The following NUP98 variants were observed in gnomAD, a reference collection of about 807,000 sequenced individuals.
NUP98 encodes nuclear pore complex protein Nup98-Nup96.
NUP98 carries 26 observed loss-of-function variants against 191.9 expected under a neutral mutation model. The ratio of observed to expected loss-of-function variants is 0.14; its 90% CI spans 0.10 to 0.19. NUP98 has a LOEUF of 0.19. Ranked by LOEUF, NUP98 falls within the 10% of genes least tolerant of loss-of-function variation. The probability of loss-of-function intolerance (pLI) is 1.00; values close to 1 mark genes in which losing one functional copy is unlikely to be tolerated. For missense variants in NUP98, 1,941 were observed against 2,178.8 expected (o/e 0.89, Z 2.17); for synonymous variants, 808 against 778.4 (o/e 1.04, Z -0.63).
chr11:3,703,537 G>A (rs1203014747), intron 22 of NUP98, among the ~76,000 whole-genome samples: 1 of 151,984 alleles, frequency 6.6e-6, no homozygotes, highest in Non-Finnish European at 1.5e-5. Context: ...TAAATGATTA[G>A]CATTATTATC....
At chr11:3,772,891 T>C (rs927496828) in intron 6 of NUP98, among the ~76,000 whole-genome samples, 1 of 151,634 alleles carries the variant, frequency 6.6e-6, no homozygotes. Flanking sequence ...GGCACGAGAA[T>C]TGCTTGAACC....
rs199660845 is a variant in NUP98 at position 3,700,853 on chromosome 11, T to C, written c.3513-14A>G. Reference sequence around the variant, plus strand: ...GACTCAGTTAGGCTACAAGAGCAAATGAGGAATAGAATAGAAAATGAACCT... The same window carrying C: ...GACTCAGTTAGGCTACAAGAGCAAACGAGGAATAGAATAGAAAATGAACCT... On this transcript the variant is annotated splice_polypyrimidine_tract_variant and intron_variant, in intron 23 of 32. Coordinates refer to ENST00000324932, the MANE Select transcript of NUP98 (RefSeq NM_016320.5). The C allele has an allele frequency of 6.4e-7, 1 of 1,573,834 alleles. No homozygotes were observed. Among genetic ancestry groups the C allele is most frequent in the East Asian group, 2.2e-5 (1 of 44,628 alleles).
At chr11:3,719,831 C>G (rs1441553293) in intron 17 of NUP98, among the ~76,000 whole-genome samples, 1 of 146,976 alleles carries the variant, frequency 6.8e-6, no homozygotes, top group South Asian at 2.1e-4. Flanking sequence ...GTGGTCCTGT[C>G]TCACTGCAGC....
At chr11:3,765,651 A>C (rs2081311421) in intron 8 of NUP98, among the ~76,000 whole-genome samples, 1 of 151,998 alleles carries the variant, frequency 6.6e-6, no homozygotes, top group Non-Finnish European at 1.5e-5. Flanking sequence ...ATATAAAAAA[A>C]TTAGCCGGGC....
At chr11:3,766,714 A>T (rs2081352975) in intron 8 of NUP98, among the ~76,000 whole-genome samples, 1 of 149,724 alleles carries the variant, frequency 6.7e-6, no homozygotes, top group African/African-American at 2.5e-5. Context: ...AAAAAAAGAG[A>T]GAAGCCTGAG....
At chr11:3,686,659 T>G (rs772843098) in intron 28 of NUP98, among the ~76,000 whole-genome samples, 1 of 152,162 alleles carries the variant, frequency 6.6e-6, no homozygotes, top group Non-Finnish European at 1.5e-5. Flanking sequence ...TTAACATATG[T>G]AGACACCTGT....
chr11:3,702,997 A>T, intron 22 of NUP98, 105 bp from the exon 23 acceptor site: 1 of 944,478 alleles, frequency 1.1e-6, no homozygotes, highest in South Asian at 1.7e-5. Flanking sequence ...TTCAATGTTT[A>T]ATCAAACTAC....
intron 18 of NUP98, among the ~76,000 whole-genome samples, chr11:3,715,495 T>C (rs1589793021): frequency 6.6e-6 from 1 of 152,306 alleles, no homozygotes; most frequent in African/African-American, 2.4e-5. Context: ...TTGATTTGCA[T>C]TTCTCTAATG....
Position 3,702,917 on chromosome 11 carries a change from G to A in NUP98, c.3083-25C>T, listed in dbSNP as rs373941887. The A allele has an allele frequency of 1.1e-5, 17 of 1,554,514 alleles. No homozygotes were observed. The African/African-American group carries it at 1.6e-4, about 15-fold the overall frequency. On this transcript the variant is annotated intron_variant, in intron 22 of 32. Transcript: ENST00000324932. The stretch of plus-strand genomic sequence containing the variant: ...ACTGAAATGAAGCGGGAATGAAGGG[G>A]AGAAAGACTATTACAAAACACAAGC...
At chr11:3,765,442 A>C (rs779762481) in intron 8 of NUP98, among the ~76,000 whole-genome samples, 9 of 152,158 alleles carry the variant, frequency 5.9e-5, no homozygotes, top group African/African-American at 1.4e-4. Context: ...CCTATCTAAG[A>C]TATTACTGTC....
At chr11:3,697,754 T>C (rs563578131) in intron 25 of NUP98, among the ~76,000 whole-genome samples, 6 of 146,242 alleles carry the variant, frequency 4.1e-5, no homozygotes, top group African/African-American at 1.0e-4. Context: ...AAGTAAAGGT[T>C]GCAGTGAGCT....
rs1006831735 is a variant in NUP98 at position 3,791,178 on chromosome 11, A to C, written c.-29+6222T>G. On this transcript the variant is annotated intron_variant, in intron 1 of 32. Transcript: ENST00000324932. ...CCAAAGTGCTGGGATTACAGGCGTG[A>C]GCCACTGCGCCCCGCCCACCATTTT... Among the ~76,000 whole-genome samples the C allele has an allele frequency of 2.0e-5, 3 of 152,042 alleles. No homozygotes were observed. In the East Asian group the frequency reaches 5.8e-4, roughly 30 times the overall value.
chr11:3,762,972 G>C lies in NUP98; in HGVS notation c.1016C>G (p.Thr339Ser). ...GLFGTATNTS[T>S]GTAFGTGTGL... ...TGTTCCTGTTCCAAATGCTGTCCCA[G>C]TGCTGGTGTTTGTAGCTGTCCCAAA... is the stretch of plus-strand genomic sequence containing the variant. Residue 339 changes from threonine (T) to serine (S), a missense_variant, in exon 9 of 33, where the codon ACT (threonine) becomes AGT (serine). Physicochemically the swap from Thr to Ser is moderately conservative, Grantham distance 58. Coordinates refer to ENST00000324932, the MANE Select transcript of NUP98 (RefSeq NM_016320.5). 1.2e-6 allele frequency: 2 copies of C among 1,614,126 alleles called. No individual in the cohort carries two copies. Among genetic ancestry groups the C allele is most frequent in the Non-Finnish European group, 1.7e-6 (2 of 1,180,018 alleles).
chr11:3,700,435 C>T (rs2078642206), intron 24 of NUP98, among the ~76,000 whole-genome samples, 175 bp downstream of exon 24: 1 of 152,096 alleles, frequency 6.6e-6, no homozygotes, highest in Non-Finnish European at 1.5e-5. Flanking sequence ...GTGACAAGAA[C>T]ATAGTGACAA....
At chr11:3,731,650 G>C in intron 13 of NUP98, 72 bp from the exon 14 acceptor site, 1 of 1,044,702 alleles carries the variant, frequency 9.6e-7, no homozygotes, top group Non-Finnish European at 1.3e-6. Flanking sequence ...AAAATCACAA[G>C]ACCAGATTTC....
intron 12 of NUP98, among the ~76,000 whole-genome samples, chr11:3,743,566 G>C (rs2080367985): frequency 6.9e-6 from 1 of 144,236 alleles, no homozygotes; most frequent in Non-Finnish European, 1.5e-5. Flanking sequence ...AGAATGGCGT[G>C]AATCTGGGAG....
intron 6 of NUP98, among the ~76,000 whole-genome samples, chr11:3,772,860 C>T (rs557637283): frequency 6.6e-6 from 1 of 151,530 alleles, no homozygotes; most frequent in South Asian, 2.1e-4. Context: ...CACCTGTAAT[C>T]CAAGCTACTA....
intron 4 of NUP98, among the ~76,000 whole-genome samples, chr11:3,777,499 T>C (rs1378135934): frequency 6.6e-6 from 1 of 151,338 alleles, no homozygotes; most frequent in East Asian, 2.0e-4. Context: ...CGGGCGCCTG[T>C]AGGCCCAACT....
At chr11:3,738,226 T>C (rs537738645) in intron 12 of NUP98, among the ~76,000 whole-genome samples, 1 of 151,670 alleles carries the variant, frequency 6.6e-6, no homozygotes, top group African/African-American at 2.4e-5. Context: ...GGTAAGAGAG[T>C]ATCTTGATAG....
Sources: gnomAD v4.1 joint callset for allele counts (sites outside exome capture counted in the v4.1 genomes callset) on GRCh38, gnomAD v4.1.1 for gene constraint, MANE v1.5 for transcripts, NCBI Gene and HGNC (gene_info 2026-07-23, HGNC 2026-07-21) for gene names.